Variants in CACNA2D3 observed in about 807,000 individuals in gnomAD.
The protein encoded by CACNA2D3 is calcium voltage-gated channel auxiliary subunit alpha2delta 3, also known as voltage-dependent calcium channel subunit alpha-2/delta-3.
CACNA2D3 carries 60 observed loss-of-function variants against 160.6 expected under a neutral mutation model. The ratio of observed to expected loss-of-function variants is 0.37; its 90% CI spans 0.30 to 0.46. CACNA2D3 has a LOEUF of 0.46. Among genes scored for constraint, CACNA2D3 ranks in the 20% least tolerant of loss-of-function variants. CACNA2D3 has a pLI of 1.00. For synonymous variants in CACNA2D3, 558 were observed against 492.9 expected (o/e 1.13, Z -1.75); for missense variants, 1,205 against 1,365.0 (o/e 0.88, Z 1.85).
intron 4 of CACNA2D3, among the ~76,000 whole-genome samples, chr3:54,407,061 A>G (rs1478929610): frequency 6.6e-6 from 1 of 152,208 alleles, no homozygotes; most frequent in Non-Finnish European, 1.5e-5. Context: ...TGTAAACAAG[A>G]GCAGTGGAAG....
chr3:54,319,157 G>GAGACACAC (rs1491136611), intron 2 of CACNA2D3, among the ~76,000 whole-genome samples: 1 of 138,878 alleles, frequency 7.2e-6, no homozygotes, highest in Non-Finnish European at 1.5e-5. Flanking sequence ...AGCATTTTGT[G>GAGACACAC]ACACACACAC....
intron 4 of CACNA2D3, among the ~76,000 whole-genome samples, chr3:54,387,039 G>A (rs543714466): frequency 6.6e-6 from 1 of 152,110 alleles, no homozygotes; most frequent in Non-Finnish European, 1.5e-5. Flanking sequence ...GAGTTAAATC[G>A]GTCAACTGAC....
intron 35 of CACNA2D3, among the ~76,000 whole-genome samples, chr3:55,029,328 A>T (rs943703314): frequency 6.6e-6 from 1 of 152,216 alleles, no homozygotes; most frequent in African/African-American, 2.4e-5. Context: ...CAAGAGGGCT[A>T]TAAGCATAGT....
chr3:54,410,751 G>C (rs762219939), intron 4 of CACNA2D3, among the ~76,000 whole-genome samples: 1 of 152,274 alleles, frequency 6.6e-6, no homozygotes, highest in Admixed American at 6.5e-5. Context: ...CGCAACATCC[G>C]TTCTACAGTC....
chr3:54,617,571 T>A (rs960783944), intron 9 of CACNA2D3, among the ~76,000 whole-genome samples: 9 of 152,226 alleles, frequency 5.9e-5, no homozygotes, highest in African/African-American at 2.2e-4. Context: ...TGGGTAAAGT[T>A]GCCAGATTTT....
At chr3:54,274,141 A>G (rs1159975669) in intron 2 of CACNA2D3, among the ~76,000 whole-genome samples, 1 of 152,116 alleles carries the variant, frequency 6.6e-6, no homozygotes, top group Non-Finnish European at 1.5e-5. Flanking sequence ...AATCTGCTGT[A>G]AAGCAATATT....
chr3:54,947,727 A>G (rs1559641251), intron 27 of CACNA2D3, among the ~76,000 whole-genome samples: 1 of 152,156 alleles, frequency 6.6e-6, no homozygotes, highest in African/African-American at 2.4e-5. Flanking sequence ...TGGGAACAGA[A>G]GTTACCCTAT....
chr3:54,608,626 C>T (rs1232773329), intron 9 of CACNA2D3, among the ~76,000 whole-genome samples: 1 of 152,174 alleles, frequency 6.6e-6, no homozygotes, highest in East Asian at 1.9e-4. Context: ...GTAGACCATG[C>T]TGTGTGTAGA....
intron 17 of CACNA2D3, among the ~76,000 whole-genome samples, chr3:54,870,833 G>A (rs1260539258): frequency 6.6e-6 from 1 of 152,166 alleles, no homozygotes; most frequent in Non-Finnish European, 1.5e-5. Context: ...ATGGTTCTGT[G>A]TGTCTGCAAA....
In CACNA2D3 at chr3:54,736,063, ATATATATATACATATATATGTATG is replaced by A. The variant is rs1559563639; in HGVS notation, c.1168-16534_1168-16511del. 2.7e-3 allele frequency among the ~76,000 whole-genome samples: 73 copies of A among 26,660 alleles called. 2 individuals are homozygous for A. Among genetic ancestry groups the A allele is most frequent in the African/African-American group, 6.7e-3 (65 of 9,650 alleles). The allele number at this position is 26,660 out of a possible 152,430, so 17.5% of individuals were successfully genotyped here. A position where few individuals can be genotyped will look rare whatever the true frequency, so the allele number is the denominator to read the frequency against. ...TATATATACACATACATATGTATGT[ATATATATATACATATATATGTATG>A]TGTATATATATACATATATATGTAT... is the stretch of plus-strand genomic sequence containing the variant. On this transcript the variant is annotated intron_variant, in intron 11 of 37. Coordinates refer to ENST00000474759, the MANE Select transcript of CACNA2D3 (RefSeq NM_018398.3).
intron 2 of CACNA2D3, among the ~76,000 whole-genome samples, chr3:54,239,474 G>A (rs1331418331): frequency 1.3e-5 from 2 of 152,200 alleles, no homozygotes; most frequent in African/African-American, 4.8e-5. Context: ...GAACACTGAC[G>A]CAGCTCAAGA....
intron 6 of CACNA2D3, among the ~76,000 whole-genome samples, chr3:54,563,772 C>T (rs893420092): frequency 1.3e-5 from 2 of 152,166 alleles, no homozygotes; most frequent in South Asian, 2.1e-4. Flanking sequence ...TTCATGTTTT[C>T]ATTAAGTAAG....
chr3:54,545,759 A>C (rs1182924717), intron 5 of CACNA2D3, among the ~76,000 whole-genome samples: 1 of 152,132 alleles, frequency 6.6e-6, no homozygotes, highest in African/African-American at 2.4e-5. Context: ...GGGTTGTATG[A>C]CCTCTGAGAT....
intron 5 of CACNA2D3, among the ~76,000 whole-genome samples, chr3:54,519,050 G>A (rs1701603113): frequency 6.6e-6 from 1 of 152,296 alleles, no homozygotes; most frequent in Non-Finnish European, 1.5e-5. Flanking sequence ...TCATGGTGAC[G>A]AACATGCTCT....
intron 2 of CACNA2D3, among the ~76,000 whole-genome samples, chr3:54,275,033 G>A (rs1346378128): frequency 6.6e-6 from 1 of 152,264 alleles, no homozygotes; most frequent in African/African-American, 2.4e-5. Flanking sequence ...GACCACTGGG[G>A]TCCATCCAAG....
chr3:54,131,917 T>C (rs747883771), intron 2 of CACNA2D3, among the ~76,000 whole-genome samples: 10 of 152,242 alleles, frequency 6.6e-5, no homozygotes, highest in Admixed American at 1.3e-4. Flanking sequence ...TGACTCTTTG[T>C]ACATGTGCCA....
At chr3:54,736,152 C>T (rs1235097960) in intron 11 of CACNA2D3, among the ~76,000 whole-genome samples, 8 of 127,766 alleles carry the variant, frequency 6.3e-5, no homozygotes, top group East Asian at 2.0e-4. Flanking sequence ...CACACACACA[C>T]ACACACACAC....
At chr3:54,173,409 A>G (rs1700611328) in intron 2 of CACNA2D3, among the ~76,000 whole-genome samples, 1 of 152,226 alleles carries the variant, frequency 6.6e-6, no homozygotes, top group South Asian at 2.1e-4. Flanking sequence ...ATTTAATAAT[A>G]ATGCAATTTT....
chr3:54,918,312 C>T (rs1700713341), intron 27 of CACNA2D3: 4 of 774,608 alleles, frequency 5.2e-6, no homozygotes, highest in Non-Finnish European at 8.0e-6. Flanking sequence ...ATATTTTTTA[C>T]AGACACATCT....
Sources: gnomAD v4.1 joint callset for allele counts (sites outside exome capture counted in the v4.1 genomes callset) on GRCh38, gnomAD v4.1.1 for gene constraint, MANE v1.5 for transcripts, NCBI Gene and HGNC (gene_info 2026-07-23, HGNC 2026-07-21) for gene names.